Variants in RWDD1 observed in about 807,000 individuals in gnomAD.
RWDD1 encodes RWD domain containing 1, also known as RWD domain-containing protein 1.
A neutral mutation model predicts 31.6 loss-of-function variants in RWDD1; 17 were observed. That is an observed-to-expected ratio of 0.54 (90% confidence interval 0.37 to 0.81). The LOEUF (loss-of-function observed/expected upper bound fraction) is 0.81. Ranked by LOEUF, RWDD1 falls within the 30% of genes least tolerant of loss-of-function variation. The pLI, the probability that RWDD1 is intolerant of heterozygous loss-of-function variation, is 0.00. For synonymous variants in RWDD1, 78 were observed against 94.2 expected (o/e 0.83, Z 0.99); for missense variants, 204 against 274.5 (o/e 0.74, Z 1.82).
At chr6:116,591,872 T>G (rs1308330851) in intron 6 of RWDD1, among the ~76,000 whole-genome samples, 1 of 152,284 alleles carries the variant, frequency 6.6e-6, no homozygotes, top group Non-Finnish European at 1.5e-5. Flanking sequence ...TTGATATAGC[T>G]TACTGCTAAA....
rs2115339082 is a variant in RWDD1 at position 116,593,563 on chromosome 6, G to C, written c.*462G>C. Reference sequence around the variant, plus strand: ...ATTTAAGTCTTGATAAAACCAGGAGGCCATATTATGATCATAAGTAAGATG... The same window carrying C: ...ATTTAAGTCTTGATAAAACCAGGAGCCCATATTATGATCATAAGTAAGATG... On this transcript the variant is annotated 3_prime_UTR_variant, in exon 7 of 7. Transcript: ENST00000466444. The C allele has an allele frequency of 6.6e-6, 1 of 152,632 alleles. No homozygotes were observed. The highest frequency in any genetic ancestry group is 1.9e-4 in the East Asian group (1 of 5,198). 9.5% of individuals were successfully genotyped at this position (152,632 alleles called of 1,614,324 possible).
intron 3 of RWDD1, among the ~76,000 whole-genome samples, chr6:116,587,450 AC>A (rs1262808612): frequency 6.6e-6 from 1 of 152,152 alleles, no homozygotes. Context: ...TAGTCACACA[AC>A]ATTTATTGAA....
Position 116,584,769 on chromosome 6 carries a change from C to A in RWDD1, c.182C>A (p.Pro61Gln). The change falls in exon 3 of 7, where the codon CCA (proline) becomes CAA (glutamine). Residue 61 changes from proline (P) to glutamine (Q), a missense_variant. Pro to Gln is a moderately conservative substitution (Grantham distance 76). Transcript: ENST00000466444. ...AAGTTTACATACAGTGAAAAATACCCAGATGAAGCTCCCCTTTATGAAATA... is the reference window on the plus strand; with the variant it reads ...AAGTTTACATACAGTGAAAAATACCAAGATGAAGCTCCCCTTTATGAAATA... Reference protein sequence around the residue: ...TLKFTYSEKYPDEAPLYEIFS... With the variant: ...TLKFTYSEKYQDEAPLYEIFS... 1 of 1,607,844 alleles carries A rather than the reference C, an allele frequency of 6.2e-7. No homozygotes were observed. Among genetic ancestry groups the A allele is most frequent in the Non-Finnish European group, 8.5e-7 (1 of 1,174,614 alleles).
Position 116,571,528 on chromosome 6 carries a change from C to G in RWDD1, c.-55C>G, listed in dbSNP as rs1028885404. The G allele has an allele frequency of 9.5e-6, 15 of 1,572,884 alleles. No homozygotes were observed. In the African/African-American group the frequency reaches 2.0e-4, roughly 21 times the overall value. On this transcript the variant is annotated 5_prime_UTR_variant, in exon 1 of 7. Coordinates refer to ENST00000466444, the MANE Select transcript of RWDD1 (RefSeq NM_015952.4). Reference sequence around the variant, plus strand: ...TCTCCCGGCGCGGCAGCTGTCTGGGCTGCTGCGCGCCGCCTAGGTGTCTGG... The same window carrying G: ...TCTCCCGGCGCGGCAGCTGTCTGGGGTGCTGCGCGCCGCCTAGGTGTCTGG...
chr6:116,589,656 C>A (rs1177766719), intron 4 of RWDD1, among the ~76,000 whole-genome samples: 13 of 151,956 alleles, frequency 8.6e-5, no homozygotes, highest in African/African-American at 1.2e-4. Flanking sequence ...AAAGACATAC[C>A]CAAAACTGGG....
intron 3 of RWDD1, 51 bp from the exon 4 acceptor site, chr6:116,588,791 G>T: frequency 7.4e-7 from 1 of 1,346,024 alleles, no homozygotes; most frequent in African/African-American, 1.5e-5. Context: ...TAAATGTATG[G>T]ACTTTTATTT....
Position 116,593,112 on chromosome 6 carries a change from C to G in RWDD1, c.*11C>G, listed in dbSNP as rs1049708536. On this transcript the variant is annotated 3_prime_UTR_variant, in exon 7 of 7. Coordinates refer to ENST00000466444, the MANE Select transcript of RWDD1 (RefSeq NM_015952.4). ...GACTCAGCTGACTAATGGACTGTCC[C>G]CATCTGCAGAGAGGCTTGACTGCCA... is the stretch of plus-strand genomic sequence containing the variant. The G allele has an allele frequency of 6.2e-7, 1 of 1,607,210 alleles. No individual in the cohort carries two copies. The highest frequency in any genetic ancestry group is 1.3e-5 in the African/African-American group (1 of 74,584).
At chr6:116,579,041 A>G (rs1774903596) in intron 1 of RWDD1, among the ~76,000 whole-genome samples, 1 of 151,884 alleles carries the variant, frequency 6.6e-6, no homozygotes, top group South Asian at 2.1e-4. Flanking sequence ...ACGCCTGGCT[A>G]TTTTTTGTGT....
At chr6:116,579,015 A>C (rs953192105) in intron 1 of RWDD1, among the ~76,000 whole-genome samples, 5 of 152,054 alleles carry the variant, frequency 3.3e-5, no homozygotes, top group Non-Finnish European at 4.4e-5. Context: ...AGCTGGGATT[A>C]CAGGCATGCG....
chr6:116,596,551 T>A lies in RWDD1; in HGVS notation c.*3450T>A, dbSNP rs1775241738. 6.6e-6 allele frequency: 1 copy of A among 152,212 alleles called. No individual in the cohort carries two copies. The highest frequency in any genetic ancestry group is 1.9e-4 in the East Asian group (1 of 5,202). The allele number at this position is 152,212 out of a possible 1,614,324, so 9.4% of individuals were successfully genotyped here. ...AAATAGCCAATGATGTTTTTAATTT[T>A]ACATCTAAAACTAATTTGCATTATC... On this transcript the variant is annotated 3_prime_UTR_variant, in exon 7 of 7. Coordinates refer to ENST00000466444, the MANE Select transcript of RWDD1 (RefSeq NM_015952.4).
chr6:116,574,905 A>C (rs764251761), intron 1 of RWDD1, among the ~76,000 whole-genome samples: 1 of 151,878 alleles, frequency 6.6e-6, no homozygotes, highest in Non-Finnish European at 1.5e-5. Flanking sequence ...AGTAGCTGGG[A>C]TTACAGGCTC....
chr6:116,587,083 A>G (rs1396999259), intron 3 of RWDD1, among the ~76,000 whole-genome samples: 1 of 152,230 alleles, frequency 6.6e-6, no homozygotes, highest in Non-Finnish European at 1.5e-5. Context: ...TCTAAAAGAT[A>G]TCCTACTTTT....
rs1478538657 is a variant in RWDD1 at position 116,596,612 on chromosome 6, T to A, written c.*3511T>A. On this transcript the variant is annotated 3_prime_UTR_variant, in exon 7 of 7. Transcript: ENST00000466444. ...GACTGAATCTCAACTCAGTCCTCATTTTTTAGTTCAACTTTTGACAACCTT... is the reference window on the plus strand; with the variant it reads ...GACTGAATCTCAACTCAGTCCTCATATTTTAGTTCAACTTTTGACAACCTT... The A allele has an allele frequency of 6.6e-6, 1 of 152,200 alleles. No individual in the cohort carries two copies. Among genetic ancestry groups the A allele is most frequent in the Non-Finnish European group, 1.5e-5 (1 of 68,034 alleles). The allele number at this position is 152,200 out of a possible 1,614,324, so 9.4% of individuals were successfully genotyped here.
chr6:116,590,378 A>T lies in RWDD1; in HGVS notation c.521A>T (p.Glu174Val), dbSNP rs1775120935. Reference sequence around the variant, plus strand: ...AAAAAGAAAAGGATGAAAGAAGAAGAACAAGCAGGAAAAAATAAATTAAGT... The same window carrying T: ...AAAAAGAAAAGGATGAAAGAAGAAGTACAAGCAGGAAAAAATAAATTAAGT... ...EIKKKRMKEE[E>V]QAGKNKLSGK... Residue 174 changes from glutamate (E) to valine (V), a missense_variant, in exon 5 of 7, where the codon GAA (glutamate) becomes GTA (valine). Coordinates refer to ENST00000466444, the MANE Select transcript of RWDD1 (RefSeq NM_015952.4). 1 of 1,596,440 alleles carries T rather than the reference A, an allele frequency of 6.3e-7. No individual in the cohort carries two copies. Among genetic ancestry groups the T allele is most frequent in the Middle Eastern group, 1.7e-4 (1 of 5,952 alleles).
Position 116,588,002 on chromosome 6 carries a change from G to A in RWDD1, c.271-840G>A, listed in dbSNP as rs575086363. The stretch of plus-strand genomic sequence containing the variant: ...TGGTTGTGTGTTGAGATGACTGTGG[G>A]ACATCAAGTCACTGCCCAAAATAGT... On this transcript the variant is annotated intron_variant, in intron 3 of 6. Transcript: ENST00000466444. 3.9e-5 allele frequency among the ~76,000 whole-genome samples: 6 copies of A among 152,204 alleles called. No homozygotes were observed. In the South Asian group the frequency reaches 1.2e-3, roughly 32 times the overall value.
At chr6:116,590,531 A>G in intron 5 of RWDD1, 127 bp downstream of exon 5, 1 of 1,175,768 alleles carries the variant, frequency 8.5e-7, no homozygotes, top group South Asian at 1.9e-5. Flanking sequence ...CAAAAAGAGA[A>G]AACATATCTA....
intron 1 of RWDD1, among the ~76,000 whole-genome samples, chr6:116,573,187 C>G (rs1774777083): frequency 6.6e-6 from 1 of 152,198 alleles, no homozygotes; most frequent in South Asian, 2.1e-4. Context: ...TGGACATAAG[C>G]TATCCCTCGC....
chr6:116,571,867 C>G (rs943999632), intron 1 of RWDD1, among the ~76,000 whole-genome samples: 1 of 151,882 alleles, frequency 6.6e-6, no homozygotes, highest in Admixed American at 6.6e-5. Flanking sequence ...ATCTAAAAGT[C>G]CGGGTGATGT....
chr6:116,584,677 A>C, intron 2 of RWDD1, 50 bp from the exon 3 acceptor site: 4 of 1,536,218 alleles, frequency 2.6e-6, no homozygotes, highest in Non-Finnish European at 3.6e-6. Context: ...AAAGATATCT[A>C]CCTCTTTACT....
Sources: gnomAD v4.1 joint callset for allele counts (sites outside exome capture counted in the v4.1 genomes callset) on GRCh38, gnomAD v4.1.1 for gene constraint, MANE v1.5 for transcripts, NCBI Gene and HGNC (gene_info 2026-07-23, HGNC 2026-07-21) for gene names.